SOS1: variants seen among roughly 807,000 people sequenced by gnomAD.
SOS1 encodes the protein SOS Ras/Rac guanine nucleotide exchange factor 1.
SOS1 carries 25 observed loss-of-function variants against 157.6 expected under a neutral mutation model. The ratio of observed to expected loss-of-function variants is 0.16; its 90% CI spans 0.12 to 0.22. The LOEUF (loss-of-function observed/expected upper bound fraction) is 0.22, where lower values mean the gene tolerates loss of function less well. Among genes scored for constraint, SOS1 ranks in the 10% least tolerant of loss-of-function variants. The pLI, the probability that SOS1 is intolerant of heterozygous loss-of-function variation, is 1.00. For missense variants in SOS1, 1,237 were observed against 1,599.1 expected, an observed-to-expected ratio of 0.77 and a Z score of 3.86; for synonymous variants, 528 against 534.0, an observed-to-expected ratio of 0.99 and a Z score of 0.16.
chr2:39,034,953 A>G, intron 8 of SOS1: 1 of 534,256 alleles, frequency 1.9e-6, no homozygotes, highest in African/African-American at 1.9e-5. Context: ...TTGCTTTAAC[A>G]TTCACTAAAA....
intron 1 of SOS1, among the ~76,000 whole-genome samples, chr2:39,081,172 C>G (rs1672189112): frequency 6.6e-6 from 1 of 151,890 alleles, no homozygotes; most frequent in Non-Finnish European, 1.5e-5. Context: ...AAAACAAGAA[C>G]AAAAAATAAT....
chr2:39,003,144 C>T (rs1312055145), intron 17 of SOS1, among the ~76,000 whole-genome samples: 3 of 150,538 alleles, frequency 2.0e-5, no homozygotes, highest in South Asian at 2.1e-4. Flanking sequence ...TTTTAAACCT[C>T]ATAAGATCAG....
chr2:39,061,874 C>T (rs1351147831), intron 2 of SOS1, among the ~76,000 whole-genome samples: 1 of 151,958 alleles, frequency 6.6e-6, no homozygotes, highest in Admixed American at 6.6e-5. Context: ...TGAAGATTCA[C>T]CTCTATTATT....
At chr2:39,097,533 T>C (rs536077937) in intron 1 of SOS1, among the ~76,000 whole-genome samples, 5 of 152,116 alleles carry the variant, frequency 3.3e-5, no homozygotes, top group East Asian at 3.9e-4. Context: ...CAACCACTGA[T>C]CTAAAGCACA....
At chr2:39,067,967 A>C (rs1021371712) in intron 1 of SOS1, among the ~76,000 whole-genome samples, 1 of 152,070 alleles carries the variant, frequency 6.6e-6, no homozygotes, top group Admixed American at 6.6e-5. Flanking sequence ...AAAAATACAA[A>C]AATTAGCCGG....
In SOS1 at chr2:38,994,100, TG is replaced by T. The variant is rs770627187; in HGVS notation, c.3346+1022del. On this transcript the variant is annotated intron_variant, in intron 20 of 22. Coordinates refer to ENST00000402219, the MANE Select transcript of SOS1 (RefSeq NM_005633.4). Reference sequence around the variant, plus strand: ...GTGGCTTGTCTGAACTGAGATGTGCTGTAAGTGTAAAATGCACGCTGGATTT... The same window carrying T: ...GTGGCTTGTCTGAACTGAGATGTGCTTAAGTGTAAAATGCACGCTGGATTT... 1.1e-3 allele frequency among the ~76,000 whole-genome samples: 160 copies of T among 152,328 alleles called. 2 individuals carry two copies. Among genetic ancestry groups the T allele is most frequent in the Non-Finnish European group, 3.2e-4 (22 of 68,028 alleles).
chr2:39,015,929 C>G (rs1171780195), intron 10 of SOS1, among the ~76,000 whole-genome samples: 1 of 149,262 alleles, frequency 6.7e-6, no homozygotes, highest in African/African-American at 2.5e-5. Flanking sequence ...TAGAGGGTAG[C>G]AGATGCCTTT....
chr2:39,012,046 T>C (rs1669489227), intron 14 of SOS1, 80 bp downstream of exon 14: 2 of 1,056,192 alleles, frequency 1.9e-6, no homozygotes, highest in Admixed American at 3.4e-5. Flanking sequence ...ATGAAAACCC[T>C]ATAAGGCAGA....
chr2:39,123,106 A>C (rs774774763), upstream of SOS1, among the ~76,000 whole-genome samples: 11 of 152,122 alleles, frequency 7.2e-5, no homozygotes, highest in Non-Finnish European at 1.3e-4. Flanking sequence ...AGAAAACAAC[A>C]ACCTGCCTAA....
At position 39,018,950 on chromosome 2, in the gene SOS1, G is replaced by T. The variant is rs550792916; in HGVS notation, c.1858+3620C>A. Among the ~76,000 whole-genome samples the T allele has an allele frequency of 3.3e-5, 5 of 151,886 alleles. No individual in the cohort carries two copies. In the East Asian group the frequency reaches 7.7e-4, roughly 23 times the overall value. On this transcript the variant is annotated intron_variant, in intron 10 of 22. Transcript: ENST00000402219. Reference sequence around the variant, plus strand: ...AATCAGAGAGTATAAAAATAGAACAGCGCTGCCCTATAGATGAAAAATTGT... The same window carrying T: ...AATCAGAGAGTATAAAAATAGAACATCGCTGCCCTATAGATGAAAAATTGT...
chr2:39,016,419 A>G (rs962788086), intron 10 of SOS1, among the ~76,000 whole-genome samples: 2 of 152,144 alleles, frequency 1.3e-5, no homozygotes, highest in African/African-American at 4.8e-5. Flanking sequence ...GAGTTCCTCA[A>G]AAGTTAAAGA....
At chr2:39,003,073 A>ACAAACAAACAAAC (rs1669164461) in intron 17 of SOS1, among the ~76,000 whole-genome samples, 1 of 148,072 alleles carries the variant, frequency 6.8e-6, no homozygotes, top group South Asian at 2.1e-4. Flanking sequence ...TATCAAAAAA[A>ACAAACAAACAAAC]AAAAAGAACG....
intron 1 of SOS1, among the ~76,000 whole-genome samples, chr2:39,093,204 C>T (rs955789240): frequency 7.2e-5 from 11 of 152,156 alleles, no homozygotes; most frequent in Admixed American, 1.3e-4. Context: ...GCCATTCTTC[C>T]GTATGTGAAT....
intron 1 of SOS1, among the ~76,000 whole-genome samples, chr2:39,113,586 T>C (rs945420387): frequency 6.6e-6 from 1 of 152,132 alleles, no homozygotes; most frequent in Admixed American, 6.5e-5. Flanking sequence ...ATTCTGTAAC[T>C]AAATTACATG....
intron 14 of SOS1, among the ~76,000 whole-genome samples, 193 bp from the exon 15 acceptor site, chr2:39,010,896 C>CT (rs72504369): frequency 1.8e-4 from 24 of 132,920 alleles, no homozygotes; most frequent in South Asian, 8.8e-4. Context: ...TTTTTTTAAA[C>CT]TTTTTTTTTT....
intron 1 of SOS1, 47 bp from the exon 2 acceptor site, chr2:39,067,800 A>G (rs1462257207): frequency 3.8e-6 from 6 of 1,577,044 alleles, no homozygotes; most frequent in Non-Finnish European, 1.7e-6. Context: ...CCATATCATT[A>G]AACAAATTTT....
intron 1 of SOS1, among the ~76,000 whole-genome samples, chr2:39,096,737 T>A (rs1672777973): frequency 6.6e-6 from 1 of 152,100 alleles, no homozygotes; most frequent in African/African-American, 2.4e-5. Flanking sequence ...TACAAAAAAA[T>A]TAGCCGGATG....
intron 1 of SOS1, among the ~76,000 whole-genome samples, chr2:39,072,208 A>C (rs987398722): frequency 3.9e-5 from 6 of 152,174 alleles, no homozygotes; most frequent in African/African-American, 1.4e-4. Context: ...ATGTTGACTT[A>C]TAATTACATG....
chr2:39,042,553 G>A (rs992975859), intron 6 of SOS1, among the ~76,000 whole-genome samples: 1 of 151,764 alleles, frequency 6.6e-6, no homozygotes, highest in Admixed American at 6.6e-5. Flanking sequence ...ACAGATGCCC[G>A]CCACTACGCC....
Sources: allele counts gnomAD v4.1 joint callset (sites outside exome capture counted in the v4.1 genomes callset), GRCh38; gene constraint gnomAD v4.1.1; transcripts MANE v1.5; gene names NCBI Gene and HGNC (gene_info 2026-07-23, HGNC 2026-07-21).